PCSK5: variants seen among roughly 807,000 people sequenced by gnomAD.
PCSK5 encodes proprotein convertase subtilisin/kexin type 5.
A neutral mutation model predicts 233.2 loss-of-function variants in PCSK5; 129 were observed. The ratio of observed to expected loss-of-function variants is 0.55; its 90% CI spans 0.48 to 0.64. The LOEUF is 0.64. PCSK5 is among the 30% of genes least tolerant of loss of function. PCSK5 has a pLI of 0.00. For synonymous variants in PCSK5, 825 were observed against 879.2 expected, an observed-to-expected ratio of 0.94 and a Z score of 1.09; for missense variants, 2,076 against 2,430.1, an observed-to-expected ratio of 0.85 and a Z score of 3.06.
intron 4 of PCSK5, among the ~76,000 whole-genome samples, chr9:76,024,932 A>G (rs943298241): frequency 6.6e-6 from 1 of 152,164 alleles, no homozygotes; most frequent in Non-Finnish European, 1.5e-5. Context: ...AAATCTTGGC[A>G]TAGGAAAACT....
In PCSK5 at chr9:76,273,642, T is replaced by C. The variant is rs142623738; in HGVS notation, c.3143-18591T>C. ...AATCATGGGGATTTATTGATATTAT[T>C]ATTATCATTACAGACAGTATATCTC... On this transcript the variant is annotated intron_variant, in intron 24 of 37. Coordinates refer to ENST00000674117, the MANE Select transcript of PCSK5 (RefSeq NM_001372043.1). 3.0e-3 allele frequency among the ~76,000 whole-genome samples: 447 copies of C among 148,506 alleles called. 2 individuals are homozygous for C. Among genetic ancestry groups the C allele is most frequent in the African/African-American group, 0.011 (427 of 40,516 alleles).
chr9:75,912,698 A>G (rs1306017019), intron 1 of PCSK5, among the ~76,000 whole-genome samples: 1 of 152,196 alleles, frequency 6.6e-6, no homozygotes, highest in Non-Finnish European at 1.5e-5. Context: ...CTACATGATA[A>G]CAGAAGGTAA....
chr9:76,180,140 G>T (rs1823797032), intron 15 of PCSK5, among the ~76,000 whole-genome samples: 1 of 147,418 alleles, frequency 6.8e-6, no homozygotes, highest in Non-Finnish European at 1.5e-5. Flanking sequence ...CACACGTTTT[G>T]GAACAACTAA....
chr9:76,343,821 T>C (rs1459303188), intron 35 of PCSK5, among the ~76,000 whole-genome samples: 3 of 152,174 alleles, frequency 2.0e-5, no homozygotes, highest in Non-Finnish European at 4.4e-5. Flanking sequence ...GTTCTACAAC[T>C]GTGAACAAGA....
chr9:76,064,451 CG>C (rs1345637223), intron 5 of PCSK5, among the ~76,000 whole-genome samples: 4 of 135,756 alleles, frequency 2.9e-5, no homozygotes, highest in African/African-American at 5.7e-5. Flanking sequence ...GCTGGCCGGG[CG>C]GGGGGGCTGA....
chr9:76,251,521 G>A (rs1203705562), intron 24 of PCSK5, among the ~76,000 whole-genome samples: 1 of 144,694 alleles, frequency 6.9e-6, no homozygotes, highest in Non-Finnish European at 1.5e-5. Context: ...CCGAGATTGT[G>A]CCACTGCACT....
intron 7 of PCSK5, among the ~76,000 whole-genome samples, chr9:76,091,806 C>A (rs755363683): frequency 6.6e-6 from 1 of 152,142 alleles, no homozygotes; most frequent in African/African-American, 2.4e-5. Flanking sequence ...TCTCTGTGCC[C>A]CTTCAGGCCT....
At chr9:76,023,928 G>A (rs1828307009) in intron 4 of PCSK5, 47 bp downstream of exon 4, 1 of 1,533,938 alleles carries the variant, frequency 6.5e-7, no homozygotes. Flanking sequence ...GGGAAACAGA[G>A]AAACTCATGT....
chr9:76,140,954 A>G (rs1823191907), intron 10 of PCSK5, among the ~76,000 whole-genome samples: 1 of 152,128 alleles, frequency 6.6e-6, no homozygotes, highest in South Asian at 2.1e-4. Context: ...TCACCTGAAG[A>G]AATTCAAATC....
intron 27 of PCSK5, among the ~76,000 whole-genome samples, chr9:76,297,954 G>C (rs1173109321): frequency 6.6e-6 from 1 of 152,146 alleles, no homozygotes; most frequent in Non-Finnish European, 1.5e-5. Flanking sequence ...GGAGAACACG[G>C]GCCCTATTTC....
rs148154380 is a variant in PCSK5, at chr9:76,269,246, G to C, written c.3143-22987G>C. ...AATCATTTCTGCAAAGTATATTCCA[G>C]TCCACCACTTCTAGACTCCTGGCAC... On this transcript the variant is annotated intron_variant, in intron 24 of 37. Transcript: ENST00000674117. Among the ~76,000 whole-genome samples the C allele has an allele frequency of 3.3e-5, 5 of 152,280 alleles. No homozygotes were observed. In the East Asian group the frequency reaches 9.6e-4, roughly 29 times the overall value.
chr9:76,316,735 C>A (rs2131450011), intron 30 of PCSK5, among the ~76,000 whole-genome samples: 1 of 93,310 alleles, frequency 1.1e-5, no homozygotes, highest in Non-Finnish European at 1.9e-5. Context: ...CAGACCTTGT[C>A]TCACCAAAAA....
At chr9:75,936,759 C>T (rs557249316) in intron 2 of PCSK5, among the ~76,000 whole-genome samples, 2 of 152,310 alleles carry the variant, frequency 1.3e-5, no homozygotes, top group African/African-American at 2.4e-5. Flanking sequence ...ATTTTGACCT[C>T]CCCTTATGAA....
At chr9:75,980,252 A>G (rs922423653) in intron 2 of PCSK5, among the ~76,000 whole-genome samples, 3 of 152,238 alleles carry the variant, frequency 2.0e-5, no homozygotes, top group African/African-American at 7.2e-5. Flanking sequence ...TTAAGTTGAT[A>G]ACATACATTT....
intron 3 of PCSK5, 90 bp from the exon 4 acceptor site, chr9:76,023,648 G>GA (rs368950379): frequency 0.13 from 124,464 of 924,918 alleles, 1 homozygote; most frequent in South Asian, 0.18. Context: ...GGGCAGCAGA[G>GA]AAAAAAAAAA....
At chr9:76,274,258 C>T (rs1377473863) in intron 24 of PCSK5, among the ~76,000 whole-genome samples, 1 of 152,018 alleles carries the variant, frequency 6.6e-6, no homozygotes, top group Non-Finnish European at 1.5e-5. Flanking sequence ...ATTTTTATGT[C>T]TATCACTTAT....
Position 76,161,689 on chromosome 9 carries a change from T to G in PCSK5, c.1619+2518T>G, listed in dbSNP as rs376429828. Among the ~76,000 whole-genome samples, 35 of 152,326 alleles carry G rather than the reference T, an allele frequency of 2.3e-4. 1 individual carries two copies. The highest frequency in any genetic ancestry group is 7.5e-4 in the African/African-American group (31 of 41,572). ...TTGGCTTCCCCTGAAATGACGTCAGTGAGGAAACTTGTGAGCAGAGGAGCT... is the reference window on the plus strand; with the variant it reads ...TTGGCTTCCCCTGAAATGACGTCAGGGAGGAAACTTGTGAGCAGAGGAGCT... On this transcript the variant is annotated intron_variant, in intron 12 of 37. Transcript: ENST00000674117.
In PCSK5 at chr9:75,891,205, C is replaced by G; in HGVS notation, c.24C>G (p.Cys8Trp). 1 of 1,487,872 alleles carries G rather than the reference C, an allele frequency of 6.7e-7. No individual in the cohort carries two copies. Among genetic ancestry groups the G allele is most frequent in the Non-Finnish European group, 8.9e-7 (1 of 1,127,502 alleles). 92.2% of individuals were successfully genotyped at this position (1,487,872 alleles called of 1,614,324 possible). The change falls in exon 1 of 38, where the codon TGC becomes TGG. Residue 8 changes from cysteine (C) to tryptophan (W), a missense_variant. Physicochemically the swap from Cys to Trp is radical, Grantham distance 215 (BLOSUM62 -2). This residue lies in a region of PCSK5 where 190 missense variants were observed against 216.3 expected (regional missense o/e 0.88). Transcript: ENST00000674117. ...CCATGGGCTGGGGGAGCCGCTGCTG[C>G]TGCCCGGGACGTTTGGACCTGCTGT... Reference protein sequence around the residue: MGWGSRCCCPGRLDLLCV... With the variant: MGWGSRCWCPGRLDLLCV...
chr9:76,308,286 CAT>C (rs1828764837), intron 28 of PCSK5, among the ~76,000 whole-genome samples: 2 of 152,218 alleles, frequency 1.3e-5, no homozygotes, highest in South Asian at 4.1e-4. Flanking sequence ...TTCACAAGTG[CAT>C]ACACACAAAT....
Sources: allele counts gnomAD v4.1 joint callset (sites outside exome capture counted in the v4.1 genomes callset), GRCh38; gene constraint gnomAD v4.1.1; regional missense constraint gnomAD v4.1.1; transcripts MANE v1.5; gene names NCBI Gene and HGNC (gene_info 2026-07-23, HGNC 2026-07-21).